The following ARHGEF10L variants were observed in gnomAD, a reference collection of about 807,000 sequenced individuals.
The protein encoded by ARHGEF10L is rho guanine nucleotide exchange factor 10-like protein.
In ARHGEF10L, 69 loss-of-function variants were observed where a neutral mutation model predicts 141.2. That is an observed-to-expected ratio of 0.49 (90% confidence interval 0.40 to 0.60). ARHGEF10L has a LOEUF of 0.60. ARHGEF10L is among the 20% of genes least tolerant of loss of function. ARHGEF10L has a pLI of 0.00. For synonymous variants in ARHGEF10L, 711 were observed against 718.5 expected (o/e 0.99, Z 0.17); for missense variants, 1,482 against 1,734.3 (o/e 0.85, Z 2.58).
intron 7 of ARHGEF10L, 143 bp from the exon 8 acceptor site, chr1:17,612,915 G>A: frequency 1.6e-6 from 1 of 640,572 alleles, no homozygotes; most frequent in South Asian, 1.8e-5. Context: ...TGGGACCTGG[G>A]GTGCCGCATC....
chr1:17,544,182 A>C lies in ARHGEF10L; in HGVS notation c.-44+4232A>C, dbSNP rs537321758. On this transcript the variant is annotated intron_variant, in intron 1 of 28. Transcript: ENST00000361221. ...TGGCCAGGCTGGTCTTGAACTGCTG[A>C]CCTCAGGTGGTCCACCTGCCTCAGC... 2.0e-5 allele frequency among the ~76,000 whole-genome samples: 3 copies of C among 151,780 alleles called. No individual in the cohort carries two copies. In the South Asian group the frequency reaches 6.2e-4, roughly 32 times the overall value.
chr1:17,591,421 T>A (rs2100728225), intron 4 of ARHGEF10L, among the ~76,000 whole-genome samples: 1 of 151,362 alleles, frequency 6.6e-6, no homozygotes, highest in South Asian at 2.1e-4. Context: ...TTTTTTTTTT[T>A]TTTTTTTCTG....
chr1:17,543,469 G>A (rs1330372215), intron 1 of ARHGEF10L, among the ~76,000 whole-genome samples: 2 of 151,908 alleles, frequency 1.3e-5, no homozygotes, highest in African/African-American at 4.8e-5. Flanking sequence ...TGTAATCCCA[G>A]CTACTCGGGA....
At chr1:17,526,962 G>C in the ARHGEF10L span, among the ~76,000 whole-genome samples, 5 of 151,726 alleles carry the variant, frequency 3.3e-5, no homozygotes, top group African/African-American at 4.8e-5. Flanking sequence ...TCGTTGTGCT[G>C]TCTTGGATGG....
the ARHGEF10L span, among the ~76,000 whole-genome samples, chr1:17,517,535 A>G: frequency 6.7e-6 from 1 of 150,324 alleles, no homozygotes; most frequent in East Asian, 2.0e-4. Context: ...CTGGTCTCAA[A>G]CTCCTGGCCT....
At chr1:17,525,398 C>T in the ARHGEF10L span, among the ~76,000 whole-genome samples, 1 of 152,228 alleles carries the variant, frequency 6.6e-6, no homozygotes, top group Admixed American at 6.5e-5. Context: ...GAGGCTGCCT[C>T]TGCTCCCCAC....
chr1:17,628,049 A>G (rs549506698), intron 15 of ARHGEF10L, among the ~76,000 whole-genome samples: 3 of 150,790 alleles, frequency 2.0e-5, no homozygotes, highest in South Asian at 2.1e-4. Flanking sequence ...AAAAAAAAAG[A>G]AAATTGGGCT....
the ARHGEF10L span, among the ~76,000 whole-genome samples, chr1:17,518,924 C>T: frequency 1.3e-5 from 2 of 151,934 alleles, no homozygotes; most frequent in African/African-American, 4.8e-5. Flanking sequence ...AATCCCAGCA[C>T]TTTGGGAGGC....
At position 17,619,917 on chromosome 1, in the gene ARHGEF10L, G is replaced by A. The variant is rs1039531067; in HGVS notation, c.942+472G>A. On this transcript the variant is annotated intron_variant, in intron 10 of 28. Coordinates refer to ENST00000361221, the MANE Select transcript of ARHGEF10L (RefSeq NM_018125.4). The surrounding 1 kb of genome is among the most constrained non-coding windows in gnomAD (Gnocchi z 5.0). ...AAGAATGGCTTCCTTGGCTGGGTGCGGTGGCTCATGCCTGTAACCCCAGCA... is the reference window on the plus strand; with the variant it reads ...AAGAATGGCTTCCTTGGCTGGGTGCAGTGGCTCATGCCTGTAACCCCAGCA... 1.2e-4 allele frequency among the ~76,000 whole-genome samples: 18 copies of A among 152,086 alleles called. No homozygotes were observed. The highest frequency in any genetic ancestry group is 3.9e-4 in the East Asian group (2 of 5,178).
the ARHGEF10L span, among the ~76,000 whole-genome samples, chr1:17,516,870 A>C: frequency 5.9e-5 from 9 of 152,218 alleles, 1 homozygote; most frequent in Middle Eastern, 6.8e-3. Flanking sequence ...TTACACTCCA[A>C]GCCTCCATAT....
the ARHGEF10L span, among the ~76,000 whole-genome samples, chr1:17,518,373 G>A: frequency 6.6e-6 from 1 of 152,206 alleles, no homozygotes; most frequent in South Asian, 2.1e-4. Flanking sequence ...GTTCTCAGGA[G>A]CACATTAGAA....
At chr1:17,523,826 T>C in the ARHGEF10L span, among the ~76,000 whole-genome samples, 1 of 152,166 alleles carries the variant, frequency 6.6e-6, no homozygotes, top group African/African-American at 2.4e-5. Context: ...CAGGGGCTGG[T>C]GATTTATTCC....
intron 26 of ARHGEF10L, among the ~76,000 whole-genome samples, chr1:17,675,616 T>A (rs1013349114): frequency 9.5e-5 from 14 of 147,778 alleles, no homozygotes; most frequent in Non-Finnish European, 1.9e-4. Context: ...CAGGTTTGTG[T>A]GCAAGTGTGG....
At chr1:17,611,560 CCATCCATCCATCCATCCACT>C (rs2059551866) in intron 7 of ARHGEF10L, among the ~76,000 whole-genome samples, 1 of 152,034 alleles carries the variant, frequency 6.6e-6, no homozygotes. Context: ...ATCCATCCAT[CCATCCATCCATCCATCCACT>C]CATCCATTCA....
chr1:17,663,582 C>A, intron 25 of ARHGEF10L, among the ~76,000 whole-genome samples: 1 of 151,318 alleles, frequency 6.6e-6, no homozygotes, highest in Non-Finnish European at 1.5e-5. Flanking sequence ...AAAAAAAAAC[C>A]ACCCTCCACC....
chr1:17,622,672 T>C (rs1001245030), intron 11 of ARHGEF10L, among the ~76,000 whole-genome samples: 2 of 152,120 alleles, frequency 1.3e-5, no homozygotes, highest in Admixed American at 6.5e-5. Flanking sequence ...TGTAGTGACC[T>C]TACCGCTCGT....
chr1:17,630,739 A>G (rs931656682), intron 15 of ARHGEF10L, among the ~76,000 whole-genome samples: 5 of 152,200 alleles, frequency 3.3e-5, no homozygotes, highest in African/African-American at 4.8e-5. Context: ...AGCTGATTCA[A>G]TGAGATGTGG....
At chr1:17,548,561 G>A (rs1446612126) in intron 1 of ARHGEF10L, among the ~76,000 whole-genome samples, 6 of 151,376 alleles carry the variant, frequency 4.0e-5, no homozygotes, top group African/African-American at 1.5e-4. Flanking sequence ...AGGGAAATGT[G>A]TGCCCTGCTT....
the ARHGEF10L span, among the ~76,000 whole-genome samples, chr1:17,524,420 C>CACACACAA: frequency 1.5e-5 from 2 of 137,672 alleles, no homozygotes; most frequent in Non-Finnish European, 3.2e-5. Context: ...CACACACACA[C>CACACACAA]AAAATTAGCC....
Sources: allele counts gnomAD v4.1 joint callset (sites outside exome capture counted in the v4.1 genomes callset), GRCh38; gene constraint gnomAD v4.1.1; non-coding constraint Gnocchi (gnomAD v3.1); transcripts MANE v1.5; gene names NCBI Gene and HGNC (gene_info 2026-07-23, HGNC 2026-07-21).